Variants in GALNT17 observed in about 807,000 individuals in gnomAD.
GALNT17 encodes polypeptide N-acetylgalactosaminyltransferase 17.
A neutral mutation model predicts 63.7 loss-of-function variants in GALNT17; 29 were observed. That is an observed-to-expected ratio of 0.46 (90% CI 0.34 to 0.62). The LOEUF is 0.62. Among genes scored for constraint, GALNT17 ranks in the 20% least tolerant of loss-of-function variants. GALNT17 has a pLI of 0.01. For synonymous variants in GALNT17, 305 were observed against 318.3 expected, an observed-to-expected ratio of 0.96 and a Z score of 0.45; for missense variants, 603 against 799.6, an observed-to-expected ratio of 0.75 and a Z score of 2.97.
intron 5 of GALNT17, among the ~76,000 whole-genome samples, chr7:71,439,141 G>A (rs967725168): frequency 5.9e-5 from 9 of 151,962 alleles, no homozygotes; most frequent in Non-Finnish European, 8.8e-5. Flanking sequence ...CTCCCACCTC[G>A]GCCTCCCAAA....
At chr7:71,625,809 A>G (rs1790365571) in intron 6 of GALNT17, among the ~76,000 whole-genome samples, 1 of 152,006 alleles carries the variant, frequency 6.6e-6, no homozygotes, top group South Asian at 2.1e-4. Flanking sequence ...TAAATTGTAT[A>G]CTCCAAACAA....
chr7:71,601,244 T>C (rs780142013), intron 6 of GALNT17, among the ~76,000 whole-genome samples: 114 of 152,288 alleles, frequency 7.5e-4, no homozygotes, highest in Non-Finnish European at 1.2e-3. Context: ...GCCGTAAACA[T>C]GCATGTGCAG....
At chr7:71,379,320 G>A (rs749399578) in intron 2 of GALNT17, among the ~76,000 whole-genome samples, 4 of 152,112 alleles carry the variant, frequency 2.6e-5, no homozygotes, top group Non-Finnish European at 4.4e-5. Flanking sequence ...AGATGGATCG[G>A]GCTCAACTTG....
chr7:71,654,711 G>T (rs1306544228), intron 6 of GALNT17, among the ~76,000 whole-genome samples: 1 of 151,328 alleles, frequency 6.6e-6, no homozygotes, highest in Non-Finnish European at 1.5e-5. Context: ...GTATCTATGT[G>T]CCTATGCTTT....
At chr7:71,500,427 AC>A (rs2116699282) in intron 5 of GALNT17, among the ~76,000 whole-genome samples, 2 of 152,166 alleles carry the variant, frequency 1.3e-5, no homozygotes, top group East Asian at 3.9e-4. Context: ...TCCACCTACC[AC>A]CATCATGAGT....
intron 1 of GALNT17, among the ~76,000 whole-genome samples, chr7:71,271,002 A>T (rs1375731884): frequency 6.6e-6 from 1 of 152,158 alleles, no homozygotes; most frequent in African/African-American, 2.4e-5. Context: ...TAGGAATTTC[A>T]TCATGACCCT....
chr7:71,327,641 G>C (rs938405524), intron 1 of GALNT17, among the ~76,000 whole-genome samples: 2 of 152,118 alleles, frequency 1.3e-5, no homozygotes, highest in African/African-American at 4.8e-5. Flanking sequence ...CTCAGAAGGG[G>C]CAATTAAAGA....
intron 5 of GALNT17, among the ~76,000 whole-genome samples, chr7:71,449,108 CTTTTT>C (rs59368494): frequency 1.8e-4 from 13 of 72,754 alleles, no homozygotes; most frequent in African/African-American, 2.9e-4. Flanking sequence ...TGCCTATTTT[CTTTTT>C]TTTTTTTTTT....
intron 1 of GALNT17, among the ~76,000 whole-genome samples, chr7:71,253,975 T>C (rs1790245889): frequency 6.6e-6 from 1 of 152,290 alleles, no homozygotes; most frequent in Middle Eastern, 3.4e-3. Context: ...CTTGACACAG[T>C]CCTGGGAGGT....
Position 71,418,100 on chromosome 7 carries a change from G to A in GALNT17, c.764+2037G>A, listed in dbSNP as rs146918960. The stretch of plus-strand genomic sequence containing the variant: ...TCTCAGGACTTTCAGTGGTAAGGCT[G>A]GAAGAGTACTGCACAAACTGGGACA... On this transcript the variant is annotated intron_variant, in intron 4 of 10. Coordinates refer to ENST00000333538, the MANE Select transcript of GALNT17 (RefSeq NM_022479.3). Among the ~76,000 whole-genome samples the A allele has an allele frequency of 8.5e-3, 1,299 of 152,310 alleles. 11 individuals are homozygous for A. The highest frequency in any genetic ancestry group is 0.015 in the Non-Finnish European group (1,009 of 68,032).
intron 2 of GALNT17, among the ~76,000 whole-genome samples, chr7:71,376,644 G>C (rs1186238263): frequency 6.6e-6 from 1 of 151,598 alleles, no homozygotes; most frequent in Non-Finnish European, 1.5e-5. Context: ...AACTATGGTA[G>C]AATTGAGGGT....
At chr7:71,678,548 A>C (rs1791186251) in intron 9 of GALNT17, among the ~76,000 whole-genome samples, 1 of 151,698 alleles carries the variant, frequency 6.6e-6, no homozygotes, top group Admixed American at 6.6e-5. Flanking sequence ...CTGTAATCCC[A>C]GTGCTATGGG....
intron 3 of GALNT17, among the ~76,000 whole-genome samples, chr7:71,402,837 T>G (rs970836901): frequency 6.6e-6 from 1 of 152,186 alleles, no homozygotes; most frequent in Non-Finnish European, 1.5e-5. Flanking sequence ...ATTCTTCCTG[T>G]GTCGCTGAGG....
chr7:71,704,244 G>T (rs1299895476), intron 9 of GALNT17, among the ~76,000 whole-genome samples: 2 of 152,098 alleles, frequency 1.3e-5, no homozygotes, highest in African/African-American at 4.8e-5. Flanking sequence ...TCTGAAAAGG[G>T]AATTAAGAGA....
At chr7:71,606,235 G>A (rs1790046466) in intron 6 of GALNT17, among the ~76,000 whole-genome samples, 2 of 151,868 alleles carry the variant, frequency 1.3e-5, no homozygotes, top group South Asian at 2.1e-4. Context: ...GATTACAGGC[G>A]TGAGCCACTG....
At chr7:71,480,155 C>CTTTTTT (rs67257902) in intron 5 of GALNT17, among the ~76,000 whole-genome samples, 1 of 65,328 alleles carries the variant, frequency 1.5e-5, no homozygotes. Context: ...TTTTTGGAGT[C>CTTTTTT]TTTTTTTTTT....
At chr7:71,622,125 G>A (rs1243809833) in intron 6 of GALNT17, among the ~76,000 whole-genome samples, 1 of 152,198 alleles carries the variant, frequency 6.6e-6, no homozygotes, top group Non-Finnish European at 1.5e-5. Flanking sequence ...AGGCTGCATA[G>A]CTTTGGAGCA....
At chr7:71,665,369 G>T (rs1318525073) in intron 6 of GALNT17, 42 bp from the exon 7 acceptor site, 5 of 1,570,418 alleles carry the variant, frequency 3.2e-6, no homozygotes, top group Non-Finnish European at 4.3e-6. Flanking sequence ...CATAGCCTCT[G>T]GGAATTTCTT....
intron 5 of GALNT17, among the ~76,000 whole-genome samples, chr7:71,488,170 A>AT (rs1491285526): frequency 2.2e-5 from 1 of 44,712 alleles, no homozygotes; most frequent in Admixed American, 2.1e-4. Context: ...CCTATCTCTT[A>AT]AAAAAAAAAA....
Sources: gnomAD v4.1 joint callset for allele counts (sites outside exome capture counted in the v4.1 genomes callset) on GRCh38, gnomAD v4.1.1 for gene constraint, MANE v1.5 for transcripts, NCBI Gene and HGNC (gene_info 2026-07-23, HGNC 2026-07-21) for gene names.